The following MOB3B variants were observed in gnomAD, a reference collection of about 807,000 sequenced individuals.
MOB3B encodes the protein MOB kinase activator 3B.
In MOB3B, 7 loss-of-function variants were observed where a neutral mutation model predicts 18.7. That is an observed-to-expected ratio of 0.37 (90% CI 0.21 to 0.70). The LOEUF is 0.70. MOB3B is among the 30% of genes least tolerant of loss of function. The probability of loss-of-function intolerance (pLI) is 0.52; values close to 1 mark genes in which losing one functional copy is unlikely to be tolerated. For synonymous variants in MOB3B, 111 were observed against 99.9 expected, an observed-to-expected ratio of 1.11 and a Z score of -0.66; for missense variants, 253 against 281.3, an observed-to-expected ratio of 0.90 and a Z score of 0.72.
At chr9:27,477,357 G>A (rs937442183) in intron 1 of MOB3B, among the ~76,000 whole-genome samples, 1 of 152,290 alleles carries the variant, frequency 6.6e-6, no homozygotes, top group African/African-American at 2.4e-5. Context: ...TCCTCAGAGA[G>A]GTTTCCTTTG....
At chr9:27,507,009 T>C (rs1820072245) in intron 1 of MOB3B, among the ~76,000 whole-genome samples, 1 of 152,122 alleles carries the variant, frequency 6.6e-6, no homozygotes, top group Non-Finnish European at 1.5e-5. Flanking sequence ...CATAGTCTTA[T>C]GATGTAGTAT....
chr9:27,495,505 G>A (rs1036475309), intron 1 of MOB3B, among the ~76,000 whole-genome samples: 1 of 152,082 alleles, frequency 6.6e-6, no homozygotes, highest in East Asian at 1.9e-4. Context: ...TCCCATGCCT[G>A]TTCCACTAGG....
intron 2 of MOB3B, among the ~76,000 whole-genome samples, chr9:27,406,203 A>T (rs1455481521): frequency 1.3e-5 from 2 of 152,220 alleles, no homozygotes; most frequent in African/African-American, 4.8e-5. Flanking sequence ...AACTATTAGA[A>T]TTGATGAAGA....
chr9:27,436,009 G>A (rs1023700350), intron 2 of MOB3B, among the ~76,000 whole-genome samples: 18 of 152,046 alleles, frequency 1.2e-4, no homozygotes, highest in African/African-American at 4.1e-4. Flanking sequence ...CCTTCTTTTA[G>A]TCCTTCAGGG....
chr9:27,406,385 T>A (rs1394023956), intron 2 of MOB3B, among the ~76,000 whole-genome samples: 1 of 151,886 alleles, frequency 6.6e-6, no homozygotes, highest in East Asian at 1.9e-4. Flanking sequence ...AAGAAAAAAA[T>A]AATCCTTAAA....
At chr9:27,489,778 A>T (rs1259209253) in intron 1 of MOB3B, among the ~76,000 whole-genome samples, 2 of 125,448 alleles carry the variant, frequency 1.6e-5, no homozygotes, top group African/African-American at 2.9e-5. Context: ...ACTAAGGCTC[A>T]TTATCATATG....
intron 1 of MOB3B, among the ~76,000 whole-genome samples, chr9:27,476,252 G>A (rs959070668): frequency 6.6e-6 from 1 of 152,192 alleles, no homozygotes; most frequent in Non-Finnish European, 1.5e-5. Context: ...GAAATGTACT[G>A]TCTCAGTTTT....
intron 1 of MOB3B, among the ~76,000 whole-genome samples, chr9:27,475,189 A>C (rs1819535643): frequency 6.6e-6 from 1 of 152,250 alleles, no homozygotes. Flanking sequence ...GTGAGGAGCA[A>C]AGGCCCTCAG....
chr9:27,525,982 C>T (rs1321516827), intron 1 of MOB3B: 3 of 152,068 alleles, frequency 2.0e-5, no homozygotes, highest in Non-Finnish European at 4.4e-5. Context: ...CTCTTCCTCT[C>T]GCACCTCTAT....
chr9:27,502,132 A>G (rs1438397705), intron 1 of MOB3B, among the ~76,000 whole-genome samples: 4 of 152,156 alleles, frequency 2.6e-5, no homozygotes, highest in Admixed American at 2.6e-4. Context: ...ATGATTTGCT[A>G]AGCATAGTGC....
chr9:27,486,473 A>G (rs1394094934), intron 1 of MOB3B, among the ~76,000 whole-genome samples: 1 of 152,254 alleles, frequency 6.6e-6, no homozygotes, highest in African/African-American at 2.4e-5. Flanking sequence ...AATGAATAGA[A>G]TAACTTCCTG....
At chr9:27,411,265 G>A (rs1483645193) in intron 2 of MOB3B, among the ~76,000 whole-genome samples, 2 of 152,196 alleles carry the variant, frequency 1.3e-5, no homozygotes, top group Non-Finnish European at 2.9e-5. Flanking sequence ...TGGGGTTGGA[G>A]GGAAGGGTAC....
rs781442552 is a variant in MOB3B, at chr9:27,455,731, G to A, written c.-181C>T. 1.2e-4 allele frequency: 174 copies of A among 1,448,256 alleles called. No individual in the cohort carries two copies. The highest frequency in any genetic ancestry group is 1.5e-4 in the Non-Finnish European group (169 of 1,108,764). 89.7% of individuals were successfully genotyped at this position (1,448,256 alleles called of 1,614,324 possible). Reference sequence around the variant, plus strand: ...ATCTTCCTCTTGAATGATTTCCAAGGGAACCTCATGTTCTTTCCTAAAGGT... The same window carrying A: ...ATCTTCCTCTTGAATGATTTCCAAGAGAACCTCATGTTCTTTCCTAAAGGT... On this transcript the variant is annotated 5_prime_UTR_variant, in exon 2 of 4. Transcript: ENST00000262244.
intron 2 of MOB3B, among the ~76,000 whole-genome samples, chr9:27,364,318 G>A (rs1821314269): frequency 6.6e-6 from 1 of 152,116 alleles, no homozygotes; most frequent in Non-Finnish European, 1.5e-5. Context: ...CATAAGACAC[G>A]ATAGACCCTC....
chr9:27,388,790 A>G (rs1175090553), intron 2 of MOB3B, among the ~76,000 whole-genome samples: 3 of 151,784 alleles, frequency 2.0e-5, no homozygotes, highest in Non-Finnish European at 4.4e-5. Context: ...TGCCTTGGCC[A>G]TCTCCCTTTC....
intron 2 of MOB3B, among the ~76,000 whole-genome samples, chr9:27,436,316 T>C (rs977547774): frequency 6.6e-6 from 1 of 152,252 alleles, no homozygotes; most frequent in African/African-American, 2.4e-5. Context: ...CACTTTCATG[T>C]GCCTGGCACT....
At chr9:27,460,122 T>C (rs1302818008) in intron 1 of MOB3B, among the ~76,000 whole-genome samples, 1 of 152,214 alleles carries the variant, frequency 6.6e-6, no homozygotes, top group Non-Finnish European at 1.5e-5. Context: ...ATTTGGTATG[T>C]AGTTTTGAGG....
At chr9:27,389,007 C>T (rs1437271651) in intron 2 of MOB3B, among the ~76,000 whole-genome samples, 1 of 152,194 alleles carries the variant, frequency 6.6e-6, no homozygotes, top group Non-Finnish European at 1.5e-5. Context: ...GAATTCTCCA[C>T]ACAATGGTCT....
intron 1 of MOB3B, among the ~76,000 whole-genome samples, chr9:27,459,364 T>C (rs140394306): frequency 1.7e-3 from 263 of 152,284 alleles, no homozygotes; most frequent in Non-Finnish European, 3.0e-3. Flanking sequence ...TACTGGTCCA[T>C]GGATGACACT....
Sources: gnomAD v4.1 joint callset for allele counts (sites outside exome capture counted in the v4.1 genomes callset) on GRCh38, gnomAD v4.1.1 for gene constraint, MANE v1.5 for transcripts, NCBI Gene and HGNC (gene_info 2026-07-23, HGNC 2026-07-21) for gene names.